Variants in TNR observed in about 807,000 individuals in gnomAD.
TNR encodes the protein tenascin R.
Under a neutral mutation model 150.4 loss-of-function variants are expected in TNR, and 45 were observed. The ratio of observed to expected loss-of-function variants is 0.30; its 90% CI spans 0.24 to 0.38. The LOEUF (loss-of-function observed/expected upper bound fraction) is 0.38. Ranked by LOEUF, TNR falls within the 10% of genes least tolerant of loss-of-function variation. The pLI, the probability that TNR is intolerant of heterozygous loss-of-function variation, is 1.00. For synonymous variants in TNR, 687 were observed against 678.4 expected, an observed-to-expected ratio of 1.01 and a Z score of -0.20; for missense variants, 1,544 against 1,759.1, an observed-to-expected ratio of 0.88 and a Z score of 2.19.
intron 1 of TNR, among the ~76,000 whole-genome samples, chr1:175,600,145 C>T: frequency 6.6e-6 from 1 of 152,216 alleles, no homozygotes; most frequent in East Asian, 1.9e-4. Context: ...GGTTACTTAA[C>T]TCCCTTGTGT....
intron 2 of TNR, among the ~76,000 whole-genome samples, chr1:175,521,197 T>C (rs776621287): frequency 1.3e-5 from 2 of 152,160 alleles, no homozygotes; most frequent in Non-Finnish European, 2.9e-5. Context: ...CCCTTCGAAA[T>C]GTATTTAATA....
intron 1 of TNR, among the ~76,000 whole-genome samples, chr1:175,673,126 A>G (rs1264051456): frequency 6.6e-6 from 1 of 152,192 alleles, no homozygotes. Context: ...TTACTAAGAA[A>G]CTAGTTCCTC....
chr1:175,568,369 G>C (rs1304246538), intron 1 of TNR, among the ~76,000 whole-genome samples: 1 of 151,040 alleles, frequency 6.6e-6, no homozygotes, highest in East Asian at 2.0e-4. Context: ...ATTGTTTAAA[G>C]AGCCTCGGGC....
rs757504194 is a variant in TNR, at chr1:175,393,853, T to C, written c.1283A>G (p.Glu428Gly). Residue 428 changes from glutamate (E) to glycine (G), a missense_variant, in exon 6 of 23, where the codon GAG becomes GGG. Glu to Gly is a moderately conservative substitution (Grantham distance 98, BLOSUM62 -2). This residue lies in a region of TNR where 1,254 missense variants were observed against 1,329.4 expected (regional missense o/e 0.94). Transcript: ENST00000367674. The stretch of plus-strand genomic sequence containing the variant: ...CTCCCACTGCACCTCCACGGTGGTC[T>C]CTGTGATCGTCTTAAATTGTAGCCC... ...PQGLQFKTITETTVEVQWEPF... is the reference protein window; with the variant it reads ...PQGLQFKTITGTTVEVQWEPF... The C allele has an allele frequency of 2.5e-6, 4 of 1,614,098 alleles. No individual in the cohort carries two copies. Among genetic ancestry groups the C allele is most frequent in the Non-Finnish European group, 2.5e-6 (3 of 1,180,032 alleles).
chr1:175,358,007 T>A (rs1221520428), intron 15 of TNR, among the ~76,000 whole-genome samples: 1 of 152,186 alleles, frequency 6.6e-6, no homozygotes, highest in Non-Finnish European at 1.5e-5. Context: ...ACAGAAGAGA[T>A]AGGGTTGAAA....
intron 2 of TNR, among the ~76,000 whole-genome samples, chr1:175,408,691 G>A (rs1297088664): frequency 6.6e-6 from 1 of 152,090 alleles, no homozygotes; most frequent in African/African-American, 2.4e-5. Flanking sequence ...GATAATAATG[G>A]TACTTATCTT....
At chr1:175,458,270 A>G (rs191501731) in intron 2 of TNR, among the ~76,000 whole-genome samples, 2 of 152,302 alleles carry the variant, frequency 1.3e-5, no homozygotes, top group Non-Finnish European at 2.9e-5. Flanking sequence ...GTAAACCATT[A>G]TGCTGTGTGT....
intron 1 of TNR, among the ~76,000 whole-genome samples, chr1:175,685,142 G>T (rs1242468555): frequency 6.6e-6 from 1 of 151,946 alleles, no homozygotes; most frequent in African/African-American, 2.4e-5. Flanking sequence ...TTATTCTCTG[G>T]ATTTTCCTCA....
intron 9 of TNR, among the ~76,000 whole-genome samples, chr1:175,377,141 AG>A (rs1476613043): frequency 2.0e-5 from 3 of 152,138 alleles, no homozygotes; most frequent in Non-Finnish European, 2.9e-5. Flanking sequence ...CACAAGCCTC[AG>A]TTTCCTCATC....
At chr1:175,716,776 C>G (rs998122776) in intron 1 of TNR, among the ~76,000 whole-genome samples, 4 of 152,230 alleles carry the variant, frequency 2.6e-5, no homozygotes, top group Non-Finnish European at 1.5e-5. Context: ...TCAGGTGACT[C>G]TAATACGTAG....
chr1:175,640,788 T>G (rs200350555), intron 1 of TNR, among the ~76,000 whole-genome samples: 10 of 147,240 alleles, frequency 6.8e-5, no homozygotes, highest in African/African-American at 2.0e-4. Flanking sequence ...TGTGTGTGTG[T>G]GGGTATATAT....
chr1:175,506,398 C>A (rs1267476143), intron 2 of TNR, among the ~76,000 whole-genome samples: 1 of 152,182 alleles, frequency 6.6e-6, no homozygotes, highest in Admixed American at 6.5e-5. Context: ...CGTGTCCCCC[C>A]AGATTCATAT....
intron 1 of TNR, among the ~76,000 whole-genome samples, chr1:175,668,604 C>A (rs1348208311): frequency 2.6e-5 from 4 of 152,264 alleles, no homozygotes; most frequent in Admixed American, 2.6e-4. Context: ...AATACTGACA[C>A]CTGGCATCTC....
chr1:175,692,475 T>C (rs1453053812), intron 1 of TNR, among the ~76,000 whole-genome samples: 2 of 152,374 alleles, frequency 1.3e-5, no homozygotes, highest in East Asian at 3.9e-4. Context: ...TCAAGTTCCC[T>C]TCATCCATCT....
At chr1:175,560,950 G>C (rs2102209920) in intron 1 of TNR, among the ~76,000 whole-genome samples, 1 of 152,166 alleles carries the variant, frequency 6.6e-6, no homozygotes. Context: ...CTTGCCTTTT[G>C]GTAAAGAAAC....
chr1:175,352,408 G>A (rs920253188), intron 18 of TNR, among the ~76,000 whole-genome samples: 1 of 152,224 alleles, frequency 6.6e-6, no homozygotes, highest in Non-Finnish European at 1.5e-5. Context: ...TCTGTCATCT[G>A]TGTCCTTTTT....
At chr1:175,615,086 A>G (rs1228850204) in intron 1 of TNR, among the ~76,000 whole-genome samples, 1 of 152,256 alleles carries the variant, frequency 6.6e-6, no homozygotes, top group Non-Finnish European at 1.5e-5. Flanking sequence ...GAAATGGCTC[A>G]GTTACATTAG....
chr1:175,350,970 C>T (rs61806381), intron 18 of TNR, among the ~76,000 whole-genome samples: 8,997 of 152,210 alleles, frequency 0.059, 302 homozygotes, highest in Middle Eastern at 0.2. Flanking sequence ...TAGGATACTG[C>T]TAAGTGGGAA....
chr1:175,370,790 G>A (rs772607369), intron 9 of TNR, among the ~76,000 whole-genome samples: 7 of 152,106 alleles, frequency 4.6e-5, no homozygotes, highest in Admixed American at 1.3e-4. Flanking sequence ...GAAATTATAC[G>A]TTGCCAAACA....
Sources: allele counts gnomAD v4.1 joint callset (sites outside exome capture counted in the v4.1 genomes callset), GRCh38; gene constraint gnomAD v4.1.1; regional missense constraint gnomAD v4.1.1; transcripts MANE v1.5; gene names NCBI Gene and HGNC (gene_info 2026-07-23, HGNC 2026-07-21).